The following APBA1 variants were observed in gnomAD, a reference collection of about 807,000 sequenced individuals.
The protein encoded by APBA1 is amyloid beta precursor protein binding family A member 1.
Under a neutral mutation model 86.6 loss-of-function variants are expected in APBA1, and 55 were observed. That is an observed-to-expected ratio of 0.64 (90% CI 0.51 to 0.80). The LOEUF is 0.80. Among genes scored for constraint, APBA1 ranks in the 30% least tolerant of loss-of-function variants. APBA1 has a pLI of 0.00. For missense variants in APBA1, 1,090 were observed against 1,183.0 expected (o/e 0.92, Z 1.15); for synonymous variants, 511 against 493.9 (o/e 1.03, Z -0.46).
intron 10 of APBA1, among the ~76,000 whole-genome samples, chr9:69,442,441 G>C (rs1173290404): frequency 6.6e-6 from 1 of 152,154 alleles, no homozygotes; most frequent in East Asian, 1.9e-4. Flanking sequence ...TTCAGCCCCA[G>C]GCCCACTACT....
chr9:69,608,024 G>A (rs1194343371), intron 1 of APBA1, among the ~76,000 whole-genome samples: 2 of 152,110 alleles, frequency 1.3e-5, no homozygotes, highest in Non-Finnish European at 2.9e-5. Context: ...CGCTAACAAG[G>A]TGGCACAGGA....
At chr9:69,484,422 A>T (rs1835574336) in intron 2 of APBA1, among the ~76,000 whole-genome samples, 1 of 152,142 alleles carries the variant, frequency 6.6e-6, no homozygotes, top group South Asian at 2.1e-4. Flanking sequence ...GGCTGGACCC[A>T]CACCAACCTC....
intron 1 of APBA1, among the ~76,000 whole-genome samples, chr9:69,637,848 C>A (rs1823212436): frequency 6.6e-6 from 1 of 152,184 alleles, no homozygotes; most frequent in Non-Finnish European, 1.5e-5. Flanking sequence ...ATGCCCAACA[C>A]TGGGCCAGAC....
At chr9:69,563,469 T>C (rs1429673837) in intron 1 of APBA1, among the ~76,000 whole-genome samples, 1 of 152,218 alleles carries the variant, frequency 6.6e-6, no homozygotes, top group Non-Finnish European at 1.5e-5. Context: ...CTCTGAAATA[T>C]AAACCTTCCT....
intron 1 of APBA1, among the ~76,000 whole-genome samples, chr9:69,587,242 C>T (rs555927579): frequency 6.6e-6 from 1 of 152,222 alleles, no homozygotes; most frequent in Admixed American, 6.5e-5. Context: ...CAATGGGTCA[C>T]ATTCCTTTCA....
At chr9:69,572,874 T>C (rs1417764506) in intron 1 of APBA1, among the ~76,000 whole-genome samples, 4 of 152,252 alleles carry the variant, frequency 2.6e-5, no homozygotes, top group African/African-American at 9.6e-5. Flanking sequence ...TGACTTTTGG[T>C]GGTTGCATAA....
intron 1 of APBA1, among the ~76,000 whole-genome samples, chr9:69,625,854 C>T (rs192656030): frequency 3.3e-5 from 5 of 152,290 alleles, no homozygotes; most frequent in Admixed American, 2.6e-4. Flanking sequence ...GAGTTCATCA[C>T]TGCCTAAATT....
chr9:69,505,383 G>A (rs985188475), intron 2 of APBA1, among the ~76,000 whole-genome samples: 1 of 152,096 alleles, frequency 6.6e-6, no homozygotes, highest in Non-Finnish European at 1.5e-5. Context: ...ATGAGGAAGT[G>A]CAGTCTTCTC....
At chr9:69,440,913 C>A in intron 11 of APBA1, 83 bp downstream of exon 11, 2 of 1,523,036 alleles carry the variant, frequency 1.3e-6, no homozygotes, top group Non-Finnish European at 1.8e-6. Flanking sequence ...TCCTATTTAG[C>A]CATCTTGGCT....
intron 11 of APBA1, among the ~76,000 whole-genome samples, chr9:69,433,111 C>T (rs1005157107): frequency 6.6e-6 from 1 of 152,206 alleles, no homozygotes; most frequent in African/African-American, 2.4e-5. Context: ...ATTGCCTGAG[C>T]CACCATGGGG....
At chr9:69,515,878 C>T in intron 2 of APBA1, 133 bp downstream of exon 2, 4 of 950,370 alleles carry the variant, frequency 4.2e-6, no homozygotes, top group Non-Finnish European at 6.0e-6. Flanking sequence ...CTGAGGCTTA[C>T]GGTGGAAAAG....
chr9:69,524,592 C>A (rs1836313650), intron 1 of APBA1, among the ~76,000 whole-genome samples: 1 of 149,408 alleles, frequency 6.7e-6, no homozygotes, highest in African/African-American at 2.5e-5. Context: ...CAAAAAAAAA[C>A]AAAAACCTAC....
intron 1 of APBA1, among the ~76,000 whole-genome samples, chr9:69,537,875 T>C (rs1836538823): frequency 6.6e-6 from 1 of 151,986 alleles, no homozygotes; most frequent in Non-Finnish European, 1.5e-5. Flanking sequence ...TTTCCCCCAG[T>C]GTATCATCTG....
intron 1 of APBA1, among the ~76,000 whole-genome samples, chr9:69,539,639 C>G (rs1836572251): frequency 6.6e-6 from 1 of 152,164 alleles, no homozygotes; most frequent in African/African-American, 2.4e-5. Context: ...TCTCACTCTC[C>G]CTCGCACCTC....
At chr9:69,593,093 G>A (rs1192125126) in intron 1 of APBA1, among the ~76,000 whole-genome samples, 1 of 152,212 alleles carries the variant, frequency 6.6e-6, no homozygotes, top group Non-Finnish European at 1.5e-5. Flanking sequence ...TGGCTTTACA[G>A]TGTCTATACC....
At chr9:69,634,973 A>T (rs914820910) in intron 1 of APBA1, among the ~76,000 whole-genome samples, 2 of 152,218 alleles carry the variant, frequency 1.3e-5, no homozygotes, top group African/African-American at 4.8e-5. Flanking sequence ...AGAAATGATA[A>T]AGAAAGTACT....
intron 1 of APBA1, among the ~76,000 whole-genome samples, chr9:69,594,677 T>C (rs1016887783): frequency 7.9e-5 from 12 of 152,100 alleles, no homozygotes; most frequent in Non-Finnish European, 1.5e-4. Flanking sequence ...TTGGTGAGAA[T>C]ATGAACAAAA....
In APBA1 at chr9:69,637,688, T is replaced by C. The variant is rs140749049; in HGVS notation, c.-70+34465A>G. ...AACTTCTAATGCAGAGAAGATGTAC[T>C]TGTCTTGTATAACAGTTTCTGCCAG... On this transcript the variant is annotated intron_variant, in intron 1 of 12. Transcript: ENST00000265381. Among the ~76,000 whole-genome samples, 428 of 152,342 alleles carry C rather than the reference T, an allele frequency of 2.8e-3. 1 individual carries two copies. Among genetic ancestry groups the C allele is most frequent in the African/African-American group, 9.7e-3 (404 of 41,578 alleles).
At chr9:69,630,818 G>A (rs544150401) in intron 1 of APBA1, among the ~76,000 whole-genome samples, 7 of 152,284 alleles carry the variant, frequency 4.6e-5, no homozygotes, top group East Asian at 3.9e-4. Flanking sequence ...AAAAAAATAC[G>A]TGAAGGCTTT....
Sources: allele counts gnomAD v4.1 joint callset (sites outside exome capture counted in the v4.1 genomes callset), GRCh38; gene constraint gnomAD v4.1.1; transcripts MANE v1.5; gene names NCBI Gene and HGNC (gene_info 2026-07-23, HGNC 2026-07-21).